SCHIP1: variants seen among roughly 807,000 people sequenced by gnomAD.
The protein encoded by SCHIP1 is schwannomin-interacting protein 1.
In SCHIP1, 8 loss-of-function variants were observed where a neutral mutation model predicts 29.7. The ratio of observed to expected loss-of-function variants is 0.27; its 90% CI spans 0.16 to 0.49. The LOEUF (loss-of-function observed/expected upper bound fraction) is 0.49, where lower values mean the gene tolerates loss of function less well. Among genes scored for constraint, SCHIP1 ranks in the 20% least tolerant of loss-of-function variants. The pLI is 0.99. For synonymous variants in SCHIP1, 76 were observed against 94.9 expected, an observed-to-expected ratio of 0.80 and a Z score of 1.16; for missense variants, 193 against 294.6, an observed-to-expected ratio of 0.66 and a Z score of 2.52.
the SCHIP1 span, among the ~76,000 whole-genome samples, chr3:159,521,422 A>G: frequency 1.3e-5 from 2 of 152,238 alleles, no homozygotes; most frequent in South Asian, 2.1e-4. Flanking sequence ...CAGAAGAAAA[A>G]ATCTGGATTT....
intron 1 of SCHIP1, among the ~76,000 whole-genome samples, chr3:159,846,968 A>T (rs1183552800): frequency 2.6e-5 from 4 of 152,204 alleles, no homozygotes; most frequent in African/African-American, 9.7e-5. Context: ...GGAAAAAAAA[A>T]ATTAGCAGGG....
the SCHIP1 span, among the ~76,000 whole-genome samples, chr3:159,455,894 C>T: frequency 6.6e-6 from 1 of 152,086 alleles, no homozygotes; most frequent in African/African-American, 2.4e-5. Flanking sequence ...AGGGCAGAGG[C>T]CTGGGGCTGC....
chr3:159,443,776 G>A, the SCHIP1 span, among the ~76,000 whole-genome samples: 1 of 152,176 alleles, frequency 6.6e-6, no homozygotes, highest in African/African-American at 2.4e-5. Context: ...CAAAGTGCTG[G>A]AATTATAGGC....
At chr3:159,493,362 A>T in the SCHIP1 span, among the ~76,000 whole-genome samples, 1 of 152,208 alleles carries the variant, frequency 6.6e-6, no homozygotes, top group African/African-American at 2.4e-5. Context: ...AACCCATCTC[A>T]CATGCAGAGA....
At chr3:159,330,455 T>C in the SCHIP1 span, among the ~76,000 whole-genome samples, 1 of 152,242 alleles carries the variant, frequency 6.6e-6, no homozygotes, top group East Asian at 1.9e-4. Context: ...TTTCTGTTTC[T>C]TCTTTTGGTG....
intron 2 of SCHIP1, 84 bp downstream of exon 3, chr3:159,866,365 A>T: frequency 7.4e-7 from 1 of 1,352,688 alleles, no homozygotes; most frequent in South Asian, 1.4e-5. Flanking sequence ...AAGCCTTTAA[A>T]TCTTCTGTAG....
the SCHIP1 span, among the ~76,000 whole-genome samples, chr3:159,668,460 T>A: frequency 6.6e-6 from 1 of 151,208 alleles, no homozygotes; most frequent in African/African-American, 2.4e-5. Context: ...TCAAGAAACC[T>A]GGAGGTGTAT....
chr3:159,413,294 A>G, the SCHIP1 span, among the ~76,000 whole-genome samples: 1 of 152,188 alleles, frequency 6.6e-6, no homozygotes, highest in South Asian at 2.1e-4. Context: ...ACAGAGCAAA[A>G]TGAGGCTGCA....
the SCHIP1 span, among the ~76,000 whole-genome samples, chr3:159,406,412 A>G: frequency 1.3e-3 from 192 of 152,360 alleles, 5 homozygotes; most frequent in East Asian, 0.032. Flanking sequence ...ATCAAGGAGA[A>G]ATAAAGACTT....
chr3:159,505,618 T>C, the SCHIP1 span, among the ~76,000 whole-genome samples: 10 of 147,626 alleles, frequency 6.8e-5, no homozygotes, highest in Non-Finnish European at 1.3e-4. Context: ...GCTATCCCCC[T>C]GGCCCCACCC....
chr3:159,686,871 G>T, the SCHIP1 span, among the ~76,000 whole-genome samples: 3 of 152,034 alleles, frequency 2.0e-5, no homozygotes, highest in South Asian at 6.2e-4. Flanking sequence ...TAAGTTCCAG[G>T]GTCTGGCACA....
chr3:159,889,928 CT>C (rs1717328629), intron 5 of SCHIP1, among the ~76,000 whole-genome samples: 2 of 152,050 alleles, frequency 1.3e-5, no homozygotes, highest in Admixed American at 6.6e-5. Flanking sequence ...AACCCCATCT[CT>C]ATTAAAAATA....
chr3:159,397,274 C>T, the SCHIP1 span, among the ~76,000 whole-genome samples: 1 of 152,114 alleles, frequency 6.6e-6, no homozygotes. Context: ...GAATGTCCTC[C>T]TGTAGCTCAG....
At chr3:159,561,318 T>C in the SCHIP1 span, among the ~76,000 whole-genome samples, 1 of 152,202 alleles carries the variant, frequency 6.6e-6, no homozygotes, top group Non-Finnish European at 1.5e-5. Context: ...AAATTTACTT[T>C]TCCCCCACCC....
chr3:159,536,833 CA>C, the SCHIP1 span, among the ~76,000 whole-genome samples: 2 of 152,132 alleles, frequency 1.3e-5, no homozygotes, highest in African/African-American at 4.8e-5. Flanking sequence ...ATATCAAAAA[CA>C]AAGGTGATAA....
the SCHIP1 span, among the ~76,000 whole-genome samples, chr3:159,828,049 T>C: frequency 1.3e-5 from 2 of 151,798 alleles, no homozygotes. Flanking sequence ...CCCAATGCTA[T>C]ATATAATATA....
chr3:159,809,594 A>G, the SCHIP1 span, among the ~76,000 whole-genome samples: 6 of 151,042 alleles, frequency 4.0e-5, no homozygotes, highest in Non-Finnish European at 7.4e-5. Context: ...TTATGTTCCC[A>G]CCATCAGGTA....
chr3:159,450,812 T>C, the SCHIP1 span, among the ~76,000 whole-genome samples: 1 of 148,306 alleles, frequency 6.7e-6, no homozygotes, highest in African/African-American at 2.5e-5. Context: ...GTATTCTTTT[T>C]TTTTTTTTTT....
the SCHIP1 span, among the ~76,000 whole-genome samples, chr3:159,660,789 T>C: frequency 6.6e-6 from 1 of 152,166 alleles, no homozygotes; most frequent in African/African-American, 2.4e-5. Context: ...CCGTAAATTA[T>C]CTGTTGCAGG....
Sources: gnomAD v4.1 joint callset for allele counts (sites outside exome capture counted in the v4.1 genomes callset) on GRCh38, gnomAD v4.1.1 for gene constraint, MANE v1.5 for transcripts, NCBI Gene and HGNC (gene_info 2026-07-23, HGNC 2026-07-21) for gene names.